IRS1: variants seen among roughly 807,000 people sequenced by gnomAD.
The protein encoded by IRS1 is insulin receptor substrate 1.
A neutral mutation model predicts 65.6 loss-of-function variants in IRS1; 34 were observed. That is an observed-to-expected ratio of 0.52 (90% confidence interval 0.39 to 0.69). The LOEUF (loss-of-function observed/expected upper bound fraction) is 0.69, where lower values mean the gene tolerates loss of function less well. IRS1 is among the 30% of genes least tolerant of loss of function. IRS1 has a pLI of 0.00. For synonymous variants in IRS1, 699 were observed against 683.5 expected (o/e 1.02, Z -0.35); for missense variants, 1,641 against 1,720.2 (o/e 0.95, Z 0.81).
At chr2:226,741,782 A>G (rs1938441557) in intron 1 of IRS1, among the ~76,000 whole-genome samples, 1 of 95,778 alleles carries the variant, frequency 1.0e-5, no homozygotes, top group Non-Finnish European at 2.1e-5. Flanking sequence ...AAATGAGCCC[A>G]GTAAACACAC....
intron 1 of IRS1, among the ~76,000 whole-genome samples, chr2:226,766,155 A>ATTTTTTTTTTTTT (rs1247603503): frequency 1.8e-4 from 1 of 5,510 alleles, no homozygotes; most frequent in Non-Finnish European, 4.0e-4. Flanking sequence ...ATATATATAT[A>ATTTTTTTTTTTTT]TATATATATT....
At chr2:226,770,833 T>C (rs1939149512) in intron 1 of IRS1, among the ~76,000 whole-genome samples, 1 of 152,214 alleles carries the variant, frequency 6.6e-6, no homozygotes, top group Admixed American at 6.5e-5. Context: ...CTGAGTCTAT[T>C]TGTCTGTAGA....
chr2:226,775,251 A>G (rs559148555), intron 1 of IRS1, among the ~76,000 whole-genome samples: 1 of 152,390 alleles, frequency 6.6e-6, no homozygotes, highest in East Asian at 1.9e-4. Flanking sequence ...CTATAAGACT[A>G]AAGGCAAAAG....
chr2:226,741,176 C>A (rs934667468), intron 1 of IRS1, among the ~76,000 whole-genome samples: 4 of 152,010 alleles, frequency 2.6e-5, no homozygotes, highest in Non-Finnish European at 5.9e-5. Flanking sequence ...ATTTAATGTC[C>A]CCTCAAAAAG....
intron 1 of IRS1, among the ~76,000 whole-genome samples, chr2:226,767,619 A>T (rs1226871989): frequency 3.9e-5 from 6 of 152,228 alleles, no homozygotes; most frequent in African/African-American, 1.4e-4. Flanking sequence ...CTAGGACTGA[A>T]CTCTGGTGGC....
intron 1 of IRS1, among the ~76,000 whole-genome samples, chr2:226,785,795 A>T (rs1449702920): frequency 6.6e-6 from 1 of 151,556 alleles, no homozygotes; most frequent in East Asian, 1.9e-4. Context: ...CACAATGTGC[A>T]GGTTAGTTAC....
chr2:226,769,163 C>A (rs1276072996), intron 1 of IRS1, among the ~76,000 whole-genome samples: 1 of 152,212 alleles, frequency 6.6e-6, no homozygotes, highest in Admixed American at 6.5e-5. Context: ...CTCCCACTAT[C>A]ACCGAATCAC....
At chr2:226,777,115 C>T (rs1939288483) in intron 1 of IRS1, among the ~76,000 whole-genome samples, 1 of 152,044 alleles carries the variant, frequency 6.6e-6, no homozygotes, top group Admixed American at 6.6e-5. Context: ...AAAACAAGGA[C>T]ATTAGGGGAA....
At position 226,798,593 on chromosome 2, in the gene IRS1, T is replaced by C; in HGVS notation, c.146A>G (p.Asn49Ser). The change falls in exon 1 of 2, where the codon AAC becomes AGC. Residue 49 changes from asparagine to serine, a missense_variant. By Grantham distance (46) the Asn-to-Ser change is conservative. Around this residue, in one of 3 missense-constraint regions of IRS1, gnomAD observed 240 missense variants for 229.6 expected, o/e 1.05. Coordinates refer to ENST00000305123, the MANE Select transcript of IRS1 (RefSeq NM_005544.3). This position sits in a 1 kb window ranked among gnomAD's most constrained non-coding sequence, Gnocchi z 9.4. ...GGPARLEYYE[N>S]EKKWRHKSSA... The stretch of plus-strand genomic sequence containing the variant: ...CGACTTGTGCCGCCACTTCTTCTCG[T>C]TCTCGTAGTACTCGAGGCGCGCCGG... 4 of 1,613,798 alleles carry C rather than the reference T, an allele frequency of 2.5e-6. No individual in the cohort carries two copies. Among genetic ancestry groups the C allele is most frequent in the Non-Finnish European group, 3.4e-6 (4 of 1,179,948 alleles).
At chr2:226,776,324 G>T (rs548402774) in intron 1 of IRS1, among the ~76,000 whole-genome samples, 1 of 150,764 alleles carries the variant, frequency 6.6e-6, no homozygotes, top group South Asian at 2.1e-4. Flanking sequence ...TAAATAAGAA[G>T]CAAATCTCCT....
chr2:226,778,620 T>C (rs1204233963), intron 1 of IRS1, among the ~76,000 whole-genome samples: 1 of 152,134 alleles, frequency 6.6e-6, no homozygotes, highest in Non-Finnish European at 1.5e-5. Flanking sequence ...AAAAGAAAAC[T>C]CTTTACAATA....
Position 226,751,774 on chromosome 2 carries a change from G to A in IRS1, c.*22-15524C>T, listed in dbSNP as rs185662895. 5.8e-4 allele frequency among the ~76,000 whole-genome samples: 89 copies of A among 152,200 alleles called. 1 individual carries two copies. The highest frequency in any genetic ancestry group is 5.1e-4 in the Non-Finnish European group (35 of 68,014). ...TTAGGAGGAACTGAGGTAGGGCCAC[G>A]TACGTTAGCTCAAAAGTGATAGAAC... On this transcript the variant is annotated intron_variant, in intron 1 of 1. Coordinates refer to ENST00000305123, the MANE Select transcript of IRS1 (RefSeq NM_005544.3).
intron 1 of IRS1, among the ~76,000 whole-genome samples, chr2:226,765,502 T>C (rs547438838): frequency 1.3e-5 from 2 of 152,286 alleles, no homozygotes; most frequent in Admixed American, 1.3e-4. Context: ...CGCCAACTTA[T>C]CTGGGTTTCC....
rs770400020 is a variant in IRS1 at position 226,797,660 on chromosome 2, C to T, written c.1079G>A (p.Arg360Gln). 8.8e-6 allele frequency: 14 copies of T among 1,594,268 alleles called. No individual in the cohort carries two copies. Among genetic ancestry groups the T allele is most frequent in the South Asian group, 2.2e-5 (2 of 89,940 alleles). ...STNRTHAHRH[R>Q]GSARLHPPLN... Reference sequence around the variant, plus strand: ...CGGGGGGTGCAGCCGGGCGCTGCCCCGATGCCGGTGGGCGTGGGTTCTGTT... The same window carrying T: ...CGGGGGGTGCAGCCGGGCGCTGCCCTGATGCCGGTGGGCGTGGGTTCTGTT... The change falls in exon 1 of 2, where the codon CGG (arginine) becomes CAG (glutamine). Residue 360 changes from arginine (R) to glutamine (Q), a missense_variant. Coordinates refer to ENST00000305123, the MANE Select transcript of IRS1 (RefSeq NM_005544.3). The surrounding 1 kb of genome is among the most constrained non-coding windows in gnomAD (Gnocchi z 8.1).
intron 1 of IRS1, among the ~76,000 whole-genome samples, chr2:226,756,325 G>A (rs1427141995): frequency 6.6e-6 from 1 of 152,124 alleles, no homozygotes; most frequent in African/African-American, 2.4e-5. Flanking sequence ...TTTGAAGGTG[G>A]TGAAACATCC....
rs1439561979 is a variant in IRS1 at position 226,734,679 on chromosome 2, G to A, written c.*1593C>T. ...AGAGGCTCCCACAGACTCAGAGGGAGCCTGATATTTGCATTAATTCATTTA... is the reference window on the plus strand; with the variant it reads ...AGAGGCTCCCACAGACTCAGAGGGAACCTGATATTTGCATTAATTCATTTA... On this transcript the variant is annotated 3_prime_UTR_variant, in exon 2 of 2. Coordinates refer to ENST00000305123, the MANE Select transcript of IRS1 (RefSeq NM_005544.3). The A allele has an allele frequency of 3.3e-5, 5 of 152,194 alleles. No homozygotes were observed. Among genetic ancestry groups the A allele is most frequent in the Admixed American group, 1.3e-4 (2 of 15,270 alleles). The allele number at this position is 152,194 out of a possible 1,614,324, so 9.4% of individuals were successfully genotyped here. A position where few individuals can be genotyped will look rare whatever the true frequency, so the allele number is the denominator to read the frequency against.
At chr2:226,765,884 C>A (rs920544629) in intron 1 of IRS1, among the ~76,000 whole-genome samples, 1 of 151,604 alleles carries the variant, frequency 6.6e-6, no homozygotes, top group East Asian at 1.9e-4. Flanking sequence ...GGGAATAAAG[C>A]TGAAATATAT....
At chr2:226,780,832 T>C (rs752455173) in intron 1 of IRS1, among the ~76,000 whole-genome samples, 3 of 152,230 alleles carry the variant, frequency 2.0e-5, no homozygotes, top group Non-Finnish European at 4.4e-5. Flanking sequence ...AATGAAATGG[T>C]TTGAGATACT....
intron 1 of IRS1, among the ~76,000 whole-genome samples, chr2:226,773,529 C>T (rs1939201576): frequency 6.7e-6 from 1 of 149,592 alleles, no homozygotes; most frequent in African/African-American, 2.5e-5. Flanking sequence ...GAGACAATTT[C>T]GGTGAGAGAG....
Sources: allele counts gnomAD v4.1 joint callset (sites outside exome capture counted in the v4.1 genomes callset), GRCh38; gene constraint gnomAD v4.1.1; regional missense constraint gnomAD v4.1.1; non-coding constraint Gnocchi (gnomAD v3.1); transcripts MANE v1.5; gene names NCBI Gene and HGNC (gene_info 2026-07-23, HGNC 2026-07-21).